MSRA: variants seen among roughly 807,000 people sequenced by gnomAD.
MSRA encodes the protein mitochondrial peptide methionine sulfoxide reductase.
Under a neutral mutation model 31.3 loss-of-function variants are expected in MSRA, and 54 were observed. That is an observed-to-expected ratio of 1.73 (90% CI 1.39 to 2.17). The LOEUF (loss-of-function observed/expected upper bound fraction) is 2.17, where lower values mean the gene tolerates loss of function less well. Among genes scored for constraint, MSRA ranks in the 30% most tolerant of loss-of-function variants. The pLI, the probability that MSRA is intolerant of heterozygous loss-of-function variation, is 0.00. For missense variants in MSRA, 507 were observed against 300.9 expected (o/e 1.69, Z -5.07); for synonymous variants, 169 against 116.5 (o/e 1.45, Z -2.90).
At chr8:10,296,248 A>T (rs1800535279) in intron 3 of MSRA, among the ~76,000 whole-genome samples, 1 of 152,214 alleles carries the variant, frequency 6.6e-6, no homozygotes, top group South Asian at 2.1e-4. Flanking sequence ...CAGAGATAAA[A>T]TTCAGTTTGA....
chr8:10,277,663 A>T (rs544518904), intron 3 of MSRA, among the ~76,000 whole-genome samples: 3 of 152,292 alleles, frequency 2.0e-5, no homozygotes, highest in East Asian at 1.9e-4. Flanking sequence ...AAATAACCCA[A>T]TGTCATTGTA....
At chr8:10,250,609 C>T in intron 3 of MSRA, 1 of 628,582 alleles carries the variant, frequency 1.6e-6, no homozygotes, top group Non-Finnish European at 2.9e-6. Flanking sequence ...GGTGGATTTT[C>T]AAGCAGGCTG....
intron 4 of MSRA, among the ~76,000 whole-genome samples, chr8:10,306,038 A>G (rs945800525): frequency 6.6e-6 from 1 of 152,204 alleles, no homozygotes; most frequent in African/African-American, 2.4e-5. Context: ...TGGGATGAAG[A>G]TAGTTCCTTT....
intron 1 of MSRA, among the ~76,000 whole-genome samples, chr8:10,115,783 G>T (rs144789451): frequency 4.5e-4 from 69 of 152,294 alleles, no homozygotes; most frequent in African/African-American, 1.6e-3. Context: ...AGTCACTGCT[G>T]TATCCCCAGC....
At chr8:10,172,638 A>T (rs1227786483) in intron 1 of MSRA, among the ~76,000 whole-genome samples, 1 of 152,174 alleles carries the variant, frequency 6.6e-6, no homozygotes, top group Non-Finnish European at 1.5e-5. Flanking sequence ...GCTCCACTTG[A>T]TATTGTAAAT....
At chr8:10,382,133 A>G (rs547827575) in intron 5 of MSRA, among the ~76,000 whole-genome samples, 80 of 152,318 alleles carry the variant, frequency 5.3e-4, no homozygotes, top group African/African-American at 1.8e-3. Flanking sequence ...GGACTGGGCA[A>G]GGCTGTTGCA....
At chr8:10,064,818 C>T (rs1797381316) in intron 1 of MSRA, among the ~76,000 whole-genome samples, 1 of 152,052 alleles carries the variant, frequency 6.6e-6, no homozygotes, top group African/African-American at 2.4e-5. Context: ...TATTCTTTGG[C>T]CTGCTGAAAA....
chr8:10,303,495 A>G (rs916658794), intron 4 of MSRA, among the ~76,000 whole-genome samples: 2 of 152,126 alleles, frequency 1.3e-5, no homozygotes, highest in Non-Finnish European at 2.9e-5. Flanking sequence ...GATTTTCCAG[A>G]TCTTCACATC....
intron 5 of MSRA, among the ~76,000 whole-genome samples, chr8:10,384,228 C>A (rs567085859): frequency 1.3e-5 from 2 of 152,312 alleles, no homozygotes; most frequent in South Asian, 2.1e-4. Flanking sequence ...ATAGCAACCA[C>A]CTGCCTTGAA....
At chr8:10,217,013 C>T (rs895020153) in intron 2 of MSRA, among the ~76,000 whole-genome samples, 1 of 152,234 alleles carries the variant, frequency 6.6e-6, no homozygotes, top group Admixed American at 6.5e-5. Context: ...CTTTTACATT[C>T]CCACCAGCGA....
intron 1 of MSRA, among the ~76,000 whole-genome samples, chr8:10,202,544 G>A (rs1293358214): frequency 6.6e-6 from 1 of 152,176 alleles, no homozygotes; most frequent in East Asian, 1.9e-4. Context: ...GCCTCTAAGC[G>A]ATGAGACTCT....
intron 5 of MSRA, among the ~76,000 whole-genome samples, chr8:10,360,154 C>T (rs1804762628): frequency 6.6e-6 from 1 of 152,106 alleles, no homozygotes; most frequent in Non-Finnish European, 1.5e-5. Flanking sequence ...AGCCAAGCTG[C>T]TTGAGTGAGC....
chr8:10,276,307 T>C (rs1312304265), intron 3 of MSRA, among the ~76,000 whole-genome samples: 2 of 152,246 alleles, frequency 1.3e-5, no homozygotes, highest in Admixed American at 6.5e-5. Flanking sequence ...GTTAATCATA[T>C]ATAATCCACC....
chr8:10,080,438 A>T (rs1798236054), intron 1 of MSRA, among the ~76,000 whole-genome samples: 1 of 151,996 alleles, frequency 6.6e-6, no homozygotes, highest in Non-Finnish European at 1.5e-5. Context: ...GGTTTCCTCC[A>T]GGAGCCGAGG....
chr8:10,144,774 C>T (rs1414270609), intron 1 of MSRA, among the ~76,000 whole-genome samples: 2 of 151,994 alleles, frequency 1.3e-5, no homozygotes, highest in African/African-American at 2.4e-5. Flanking sequence ...TATAATGTGA[C>T]AATTGCGGCT....
At chr8:10,121,165 A>G (rs1328279733) in intron 1 of MSRA, among the ~76,000 whole-genome samples, 1 of 152,206 alleles carries the variant, frequency 6.6e-6, no homozygotes, top group South Asian at 2.1e-4. Context: ...GATGGTAGGC[A>G]AAAAATTAAG....
intron 5 of MSRA, among the ~76,000 whole-genome samples, chr8:10,418,970 A>G (rs1037745251): frequency 6.6e-6 from 1 of 151,460 alleles, no homozygotes; most frequent in Admixed American, 6.6e-5. Context: ...AAAACAAAAC[A>G]AAACAAAAAT....
chr8:10,058,448 A>G (rs1336275575), intron 1 of MSRA, among the ~76,000 whole-genome samples: 1 of 152,248 alleles, frequency 6.6e-6, no homozygotes, highest in Non-Finnish European at 1.5e-5. Flanking sequence ...TTTTAGGAAA[A>G]TATAAGTAAT....
intron 1 of MSRA, among the ~76,000 whole-genome samples, chr8:10,087,928 G>T (rs2128925878): frequency 6.6e-6 from 1 of 152,268 alleles, no homozygotes; most frequent in East Asian, 1.9e-4. Flanking sequence ...GAATTAGGTA[G>T]GTGCAAAAGT....
Sources: allele counts gnomAD v4.1 joint callset (sites outside exome capture counted in the v4.1 genomes callset), GRCh38; gene constraint gnomAD v4.1.1; transcripts MANE v1.5; gene names NCBI Gene and HGNC (gene_info 2026-07-23, HGNC 2026-07-21).